Variants in FAM83B observed in about 807,000 individuals in gnomAD.
FAM83B encodes the protein protein FAM83B.
Under a neutral mutation model 38.8 loss-of-function variants are expected in FAM83B, and 26 were observed. The observed-to-expected ratio is 0.67, with a 90% CI of 0.49 to 0.93. The LOEUF is 0.93. FAM83B is among the 40% of genes least tolerant of loss of function. The pLI is 0.00. For missense variants in FAM83B, 1,237 were observed against 1,197.3 expected, an observed-to-expected ratio of 1.03 and a Z score of -0.49; for synonymous variants, 419 against 423.1, an observed-to-expected ratio of 0.99 and a Z score of 0.12.
At chr6:54,925,150 T>C (rs1171153785) in intron 2 of FAM83B, among the ~76,000 whole-genome samples, 1 of 152,192 alleles carries the variant, frequency 6.6e-6, no homozygotes, top group African/African-American at 2.4e-5. Context: ...TCAATGTGGA[T>C]AATGTCATTT....
chr6:54,877,855 C>A (rs758850467), intron 2 of FAM83B, among the ~76,000 whole-genome samples: 1 of 152,120 alleles, frequency 6.6e-6, no homozygotes, highest in Non-Finnish European at 1.5e-5. Context: ...TATTCCTAAT[C>A]GGAGGTGTTT....
intron 1 of FAM83B, among the ~76,000 whole-genome samples, chr6:54,853,603 A>G (rs1187394458): frequency 6.6e-6 from 1 of 152,160 alleles, no homozygotes; most frequent in African/African-American, 2.4e-5. Context: ...AGCAAGGTCT[A>G]CTGACTTTTT....
intron 1 of FAM83B, among the ~76,000 whole-genome samples, chr6:54,868,802 T>G (rs1257173551): frequency 1.3e-5 from 2 of 152,192 alleles, no homozygotes; most frequent in Non-Finnish European, 2.9e-5. Context: ...TGTTCTATTT[T>G]TATTCCTGTA....
At chr6:54,873,019 A>AT (rs1356027982) in intron 2 of FAM83B, among the ~76,000 whole-genome samples, 3 of 143,976 alleles carry the variant, frequency 2.1e-5, no homozygotes, top group South Asian at 2.1e-4. Flanking sequence ...TATTTATTTT[A>AT]TTTTTTTTAT....
intron 2 of FAM83B, among the ~76,000 whole-genome samples, chr6:54,909,270 T>C (rs939133015): frequency 1.3e-5 from 2 of 152,164 alleles, no homozygotes; most frequent in Non-Finnish European, 2.9e-5. Flanking sequence ...CATAAAATAT[T>C]ACCTAGAACC....
chr6:54,921,441 C>T (rs1430791592), intron 2 of FAM83B, among the ~76,000 whole-genome samples: 2 of 151,736 alleles, frequency 1.3e-5, no homozygotes, highest in African/African-American at 4.8e-5. Flanking sequence ...GTCAGGTTCT[C>T]GGAGACCGTT....
Position 54,944,116 on chromosome 6 carries a change from T to C in FAM83B, c.*2109T>C, listed in dbSNP as rs991546986. Reference sequence around the variant, plus strand: ...AAAAATATCTATATTTGAGAATATGTACATAACAACTTTCCAAAGTCTCTG... The same window carrying C: ...AAAAATATCTATATTTGAGAATATGCACATAACAACTTTCCAAAGTCTCTG... On this transcript the variant is annotated 3_prime_UTR_variant, in exon 5 of 5. Transcript: ENST00000306858. 2 of 152,190 alleles carry C rather than the reference T, an allele frequency of 1.3e-5. No individual in the cohort carries two copies. The highest frequency in any genetic ancestry group is 4.8e-5 in the African/African-American group (2 of 41,452). The allele number at this position is 152,190 out of a possible 1,614,324, so 9.4% of individuals were successfully genotyped here.
chr6:54,899,841 A>G (rs1472512041), intron 2 of FAM83B, among the ~76,000 whole-genome samples: 1 of 152,168 alleles, frequency 6.6e-6, no homozygotes, highest in East Asian at 1.9e-4. Flanking sequence ...TAGTGGAAAT[A>G]CCAAACTGAA....
intron 4 of FAM83B, among the ~76,000 whole-genome samples, chr6:54,937,694 A>G (rs923537228): frequency 6.6e-6 from 1 of 152,106 alleles, no homozygotes; most frequent in Non-Finnish European, 1.5e-5. Flanking sequence ...ACACGAGGAA[A>G]GTGAAGCCCA....
chr6:54,888,856 T>G (rs570589177), intron 2 of FAM83B, among the ~76,000 whole-genome samples: 1 of 152,176 alleles, frequency 6.6e-6, no homozygotes, highest in Admixed American at 6.5e-5. Context: ...GTTTCTCTTC[T>G]TCTAGGAATT....
chr6:54,910,558 G>A (rs1772882221), intron 2 of FAM83B, among the ~76,000 whole-genome samples: 1 of 152,170 alleles, frequency 6.6e-6, no homozygotes, highest in Admixed American at 6.5e-5. Context: ...TAGAACACTA[G>A]AGCGGGGCAG....
At chr6:54,858,332 G>T (rs1236061902) in intron 1 of FAM83B, among the ~76,000 whole-genome samples, 1 of 152,132 alleles carries the variant, frequency 6.6e-6, no homozygotes, top group South Asian at 2.1e-4. Flanking sequence ...TCATCTTGTT[G>T]TAAGTTTTGC....
chr6:54,917,165 T>C (rs769281900), intron 2 of FAM83B, among the ~76,000 whole-genome samples: 2 of 152,166 alleles, frequency 1.3e-5, no homozygotes, highest in Non-Finnish European at 2.9e-5. Context: ...TGTGTACTCT[T>C]TGAGAACAGG....
rs775812746 is a variant in FAM83B at position 54,870,664 on chromosome 6, C to A, written c.418C>A (p.Arg140=). Residue 140 remains arginine (R), a synonymous_variant, in exon 2 of 5, where the codon CGG becomes AGG. Coordinates refer to ENST00000306858, the MANE Select transcript of FAM83B (RefSeq NM_001010872.3). ...TCTACTTACGATAAAAGAAACTATT[C>A]GGAAGATGATAAAAGAAGCAAGAAA... ...AHLLTIKETI[R]KMIKEARKVI... The A allele has an allele frequency of 6.3e-7, 1 of 1,594,664 alleles. No individual in the cohort carries two copies. Among genetic ancestry groups the A allele is most frequent in the Non-Finnish European group, 8.5e-7 (1 of 1,172,004 alleles).
chr6:54,927,554 CAG>C lies in FAM83B; in HGVS notation c.657_658del (p.Ala221LysfsTer14), dbSNP rs752318377. 4.4e-6 allele frequency: 7 copies of C among 1,608,036 alleles called. No homozygotes were observed. The highest frequency in any genetic ancestry group is 3.3e-5 in the South Asian group (3 of 90,318). On this transcript the variant is annotated frameshift_variant, in exon 4 of 5. Transcript: ENST00000306858. LOFTEE classifies it high-confidence loss of function. ...AAAGGCCAAGATTATCTTTCAAAAA[CAG>C]GGGCAAAATTCCATGGAAAAATGGA...
chr6:54,902,679 T>C (rs1291240433), intron 2 of FAM83B, among the ~76,000 whole-genome samples: 1 of 152,192 alleles, frequency 6.6e-6, no homozygotes, highest in Non-Finnish European at 1.5e-5. Flanking sequence ...TAGCTCCCCT[T>C]ATTTTGTGTA....
intron 2 of FAM83B, among the ~76,000 whole-genome samples, chr6:54,899,416 C>T (rs1379193974): frequency 2.0e-5 from 3 of 152,138 alleles, no homozygotes; most frequent in African/African-American, 4.8e-5. Context: ...TTTTATCTTT[C>T]GTTATACCTA....
intron 1 of FAM83B, among the ~76,000 whole-genome samples, chr6:54,860,227 T>C (rs1771544785): frequency 6.6e-6 from 1 of 152,136 alleles, no homozygotes; most frequent in Admixed American, 6.5e-5. Context: ...TGTTTTTGCA[T>C]TTGAATAGTG....
intron 1 of FAM83B, among the ~76,000 whole-genome samples, chr6:54,859,452 A>G (rs1771525392): frequency 6.6e-6 from 1 of 152,218 alleles, no homozygotes; most frequent in Non-Finnish European, 1.5e-5. Context: ...TTATTAAGGC[A>G]GTATATCATT....
Sources: gnomAD v4.1 joint callset for allele counts (sites outside exome capture counted in the v4.1 genomes callset) on GRCh38, gnomAD v4.1.1 for gene constraint, MANE v1.5 for transcripts, NCBI Gene and HGNC (gene_info 2026-07-23, HGNC 2026-07-21) for gene names.